The following ULK2 variants were observed in gnomAD, a reference collection of about 807,000 sequenced individuals.
The protein encoded by ULK2 is unc-51 like autophagy activating kinase 2, also known as serine/threonine-protein kinase ULK2.
A neutral mutation model predicts 127.5 loss-of-function variants in ULK2; 76 were observed. The observed-to-expected ratio is 0.60, with a 90% CI of 0.50 to 0.72. The LOEUF (loss-of-function observed/expected upper bound fraction) is 0.72, where lower values mean the gene tolerates loss of function less well. ULK2 is among the 30% of genes least tolerant of loss of function. The pLI, the probability that ULK2 is intolerant of heterozygous loss-of-function variation, is 0.00. For missense variants in ULK2, 1,144 were observed against 1,295.9 expected (o/e 0.88, Z 1.80); for synonymous variants, 452 against 461.9 (o/e 0.98, Z 0.28).
intron 21 of ULK2, among the ~76,000 whole-genome samples, chr17:19,785,378 A>T (rs1285635762): frequency 6.6e-6 from 1 of 151,812 alleles, no homozygotes; most frequent in Non-Finnish European, 1.5e-5. Flanking sequence ...CACCTGCCTA[A>T]ATTTTTGTAT....
intron 10 of ULK2, among the ~76,000 whole-genome samples, chr17:19,828,469 TA>T (rs1271754893): frequency 6.6e-6 from 1 of 152,098 alleles, no homozygotes; most frequent in Admixed American, 6.6e-5. Context: ...GATATCAACA[TA>T]AAGGGGGTAT....
In ULK2 at chr17:19,825,986, CAAA is replaced by C. The variant is rs200351375; in HGVS notation, c.835+150_835+152del. On this transcript the variant is annotated intron_variant, in intron 11 of 26. Transcript: ENST00000395544. The stretch of plus-strand genomic sequence containing the variant: ...GGGCAACAAGAGCGAAACTCCATCT[CAAA>C]AAAAAAAAAAAAAAATAAATAAATA... 3.8e-4 allele frequency among the ~76,000 whole-genome samples: 53 copies of C among 140,646 alleles called. 1 individual carries two copies. Among genetic ancestry groups the C allele is most frequent in the African/African-American group, 1.4e-3 (52 of 38,472 alleles). The allele number at this position is 140,646 out of a possible 152,430, so 92.3% of individuals were successfully genotyped here. A position where few individuals can be genotyped will look rare whatever the true frequency, so the allele number is the denominator to read the frequency against.
chr17:19,810,513 T>C, intron 13 of ULK2, 75 bp from the exon 14 acceptor site: 1 of 909,090 alleles, frequency 1.1e-6, no homozygotes, highest in Non-Finnish European at 1.7e-6. Flanking sequence ...TCCAAAATGA[T>C]TATTAGGATT....
chr17:19,854,899 G>A lies in ULK2; in HGVS notation c.226-5125C>T, dbSNP rs8073641. Among the ~76,000 whole-genome samples the A allele has an allele frequency of 7.8e-3, 1,184 of 151,826 alleles. 15 individuals carry two copies. The highest frequency in any genetic ancestry group is 0.026 in the African/African-American group (1,096 of 41,380). The stretch of plus-strand genomic sequence containing the variant: ...GTGGATCACGAGGTCAGGAGTTCAA[G>A]ACCAGCCTGGCCAAGATGGTGAAAC... On this transcript the variant is annotated intron_variant, in intron 3 of 26. Transcript: ENST00000395544.
At chr17:19,830,588 A>G (rs1036298524) in intron 10 of ULK2, among the ~76,000 whole-genome samples, 1 of 149,172 alleles carries the variant, frequency 6.7e-6, no homozygotes, top group Non-Finnish European at 1.5e-5. Context: ...GGCCGGGCGC[A>G]GTGGTTCATG....
At chr17:19,849,664 T>C (rs2041969542) in intron 4 of ULK2, 78 bp downstream of exon 4, 4 of 1,028,956 alleles carry the variant, frequency 3.9e-6, no homozygotes, top group Non-Finnish European at 5.6e-6. Flanking sequence ...ATTTGAAATA[T>C]GCAGATTTAT....
chr17:19,799,002 A>C, intron 17 of ULK2, among the ~76,000 whole-genome samples: 1 of 151,880 alleles, frequency 6.6e-6, no homozygotes. Context: ...CTCTACTAAA[A>C]ATACAAAAAT....
chr17:19,856,420 A>C (rs375978847), intron 3 of ULK2, among the ~76,000 whole-genome samples: 34 of 150,946 alleles, frequency 2.3e-4, no homozygotes, highest in African/African-American at 8.0e-4. Flanking sequence ...ATCTCTACTA[A>C]AAATACAAAA....
intron 3 of ULK2, among the ~76,000 whole-genome samples, chr17:19,851,326 C>CAAAAAAAAAAAA (rs554643908): frequency 2.4e-5 from 1 of 41,052 alleles, no homozygotes; most frequent in African/African-American, 9.3e-5. Context: ...GACTTCCCCT[C>CAAAAAAAAAAAA]AAAAAAAAAA....
rs972422273 is a variant in ULK2 at position 19,841,133 on chromosome 17, T to C, written c.704+356A>G. Reference sequence around the variant, plus strand: ...CGTATAAAGAACACCCAAAAAACTATGAAGACAGAGACACAGCAAACTCTT... The same window carrying C: ...CGTATAAAGAACACCCAAAAAACTACGAAGACAGAGACACAGCAAACTCTT... On this transcript the variant is annotated intron_variant, in intron 9 of 26. Transcript: ENST00000395544. Among the ~76,000 whole-genome samples the C allele has an allele frequency of 3.3e-5, 5 of 152,164 alleles. No homozygotes were observed. In the East Asian group the frequency reaches 5.8e-4, roughly 18 times the overall value.
At chr17:19,845,639 TATA>T (rs1025679795) in intron 6 of ULK2, among the ~76,000 whole-genome samples, 34 of 152,258 alleles carry the variant, frequency 2.2e-4, no homozygotes, top group African/African-American at 7.7e-4. Context: ...AAATGCTAAT[TATA>T]ATAAGTAGCT....
chr17:19,859,100 G>C (rs934587192), intron 3 of ULK2, among the ~76,000 whole-genome samples: 1 of 152,124 alleles, frequency 6.6e-6, no homozygotes, highest in Non-Finnish European at 1.5e-5. Context: ...GACCAGCCTG[G>C]GCAACATAGT....
chr17:19,830,152 G>C (rs2041402140), intron 10 of ULK2, among the ~76,000 whole-genome samples: 1 of 151,992 alleles, frequency 6.6e-6, no homozygotes, highest in African/African-American at 2.4e-5. Flanking sequence ...GTACACATGG[G>C]ACATTCTCCA....
At position 19,783,921 on chromosome 17, in the gene ULK2, G is replaced by A. The variant is rs765583049; in HGVS notation, c.2252-16C>T. 51 of 1,477,810 alleles carry A rather than the reference G, an allele frequency of 3.5e-5. No individual in the cohort carries two copies. The highest frequency in any genetic ancestry group is 5.0e-4 in the Middle Eastern group (2 of 4,014). The allele number at this position is 1,477,810 out of a possible 1,614,324, so 91.5% of individuals were successfully genotyped here. A position where few individuals can be genotyped will look rare whatever the true frequency, so the allele number is the denominator to read the frequency against. On this transcript the variant is annotated splice_polypyrimidine_tract_variant and intron_variant, in intron 21 of 26. Coordinates refer to ENST00000395544, the MANE Select transcript of ULK2 (RefSeq NM_014683.4). ...CTGGGCCCCACTACAAGGAAACAGA[G>A]GATACATGGCAGTGTCCAGAGTTAG...
chr17:19,803,202 A>C (rs1159454345), intron 15 of ULK2, among the ~76,000 whole-genome samples: 1 of 151,898 alleles, frequency 6.6e-6, no homozygotes, highest in African/African-American at 2.4e-5. Flanking sequence ...CAGCTAGCTC[A>C]ACTTGGAACT....
At chr17:19,847,312 C>G (rs2041907141) in intron 5 of ULK2, among the ~76,000 whole-genome samples, 1 of 152,128 alleles carries the variant, frequency 6.6e-6, no homozygotes, top group South Asian at 2.1e-4. Flanking sequence ...TAATTCCAAC[C>G]ATTATGTGAG....
At chr17:19,804,884 T>G (rs534210790) in intron 14 of ULK2, 54 bp from the exon 15 acceptor site, 214 of 1,590,646 alleles carry the variant, frequency 1.3e-4, no homozygotes, top group Admixed American at 4.0e-4. Context: ...ATTGTTTTTC[T>G]TTCATTTGAC....
intron 3 of ULK2, among the ~76,000 whole-genome samples, chr17:19,859,400 T>C (rs1041671203): frequency 1.3e-5 from 2 of 152,162 alleles, no homozygotes; most frequent in East Asian, 1.9e-4. Flanking sequence ...GCACCTGTAA[T>C]CCCAGCTACT....
At chr17:19,784,236 A>G (rs1475329018) in intron 21 of ULK2, among the ~76,000 whole-genome samples, 1 of 152,040 alleles carries the variant, frequency 6.6e-6, no homozygotes, top group African/African-American at 2.4e-5. Flanking sequence ...GATTCATTAA[A>G]TTTATATATA....
Sources: allele counts gnomAD v4.1 joint callset (sites outside exome capture counted in the v4.1 genomes callset), GRCh38; gene constraint gnomAD v4.1.1; transcripts MANE v1.5; gene names NCBI Gene and HGNC (gene_info 2026-07-23, HGNC 2026-07-21).